The following RGS7 variants were observed in gnomAD, a reference collection of about 807,000 sequenced individuals.
RGS7 encodes regulator of G protein signaling 7, also known as regulator of G-protein signaling 7.
In RGS7, 27 loss-of-function variants were observed where a neutral mutation model predicts 81.1. That is an observed-to-expected ratio of 0.33 (90% CI 0.25 to 0.46). The LOEUF is 0.46. RGS7 is among the 20% of genes least tolerant of loss of function. The pLI, the probability that RGS7 is intolerant of heterozygous loss-of-function variation, is 1.00. For missense variants in RGS7, 396 were observed against 607.4 expected, an observed-to-expected ratio of 0.65 and a Z score of 3.66; for synonymous variants, 208 against 207.7, an observed-to-expected ratio of 1.00 and a Z score of -0.01.
In RGS7 at chr1:240,819,307, TA is replaced by T. The variant is rs542486452; in HGVS notation, c.685-2893del. ...TAACAGTAAGTTTTTAGGCGAAGAT[TA>T]AAAAAATAACATAAAAGACTGCTAG... On this transcript the variant is annotated intron_variant, in intron 10 of 18. Transcript: ENST00000440928. 2.9e-4 allele frequency among the ~76,000 whole-genome samples: 44 copies of T among 152,278 alleles called. No homozygotes were observed. In the South Asian group the frequency reaches 8.3e-3, roughly 29 times the overall value.
intron 9 of RGS7, among the ~76,000 whole-genome samples, chr1:240,867,575 G>A (rs1166922449): frequency 6.6e-6 from 1 of 152,122 alleles, no homozygotes; most frequent in Non-Finnish European, 1.5e-5. Flanking sequence ...ACATTAATAA[G>A]GAAGAAAGCC....
intron 18 of RGS7, among the ~76,000 whole-genome samples, chr1:240,791,856 G>A (rs1447761290): frequency 6.6e-6 from 1 of 152,064 alleles, no homozygotes; most frequent in African/African-American, 2.4e-5. Flanking sequence ...AAAATAATGT[G>A]CAAATATTAC....
intron 2 of RGS7, among the ~76,000 whole-genome samples, chr1:241,320,791 CA>C (rs2081162923): frequency 6.6e-6 from 1 of 152,178 alleles, no homozygotes. Flanking sequence ...AGTGTTGAAG[CA>C]TGCACTTTCT....
intron 2 of RGS7, among the ~76,000 whole-genome samples, chr1:241,138,504 T>C (rs968063321): frequency 3.3e-5 from 5 of 151,500 alleles, no homozygotes; most frequent in Admixed American, 6.6e-5. Context: ...TCAGGGGGAG[T>C]CCACTGCACA....
intron 10 of RGS7, among the ~76,000 whole-genome samples, chr1:240,825,993 C>T (rs1436452286): frequency 6.6e-6 from 1 of 152,142 alleles, no homozygotes; most frequent in Non-Finnish European, 1.5e-5. Context: ...TGGCTTAATG[C>T]ACTTTTTGGA....
rs1688808159 is a variant in RGS7, at chr1:240,806,132, A to G, written c.1269+8T>C. On this transcript the variant is annotated splice_region_variant and intron_variant, in intron 15 of 18. Transcript: ENST00000440928. ...ACGTTTGTGGTGTGAGGCTCACCGTACACCCACCTGAGCATCTTCAAATGT... is the reference window on the plus strand; with the variant it reads ...ACGTTTGTGGTGTGAGGCTCACCGTGCACCCACCTGAGCATCTTCAAATGT... The G allele has an allele frequency of 6.2e-7, 1 of 1,612,400 alleles. No homozygotes were observed. Among genetic ancestry groups the G allele is most frequent in the African/African-American group, 1.3e-5 (1 of 74,994 alleles).
intron 2 of RGS7, among the ~76,000 whole-genome samples, chr1:241,334,055 A>G (rs967428201): frequency 5.3e-5 from 8 of 150,754 alleles, no homozygotes; most frequent in Non-Finnish European, 1.0e-4. Context: ...ATATACATAC[A>G]TATATGTATA....
intron 9 of RGS7, among the ~76,000 whole-genome samples, chr1:240,841,693 T>C (rs951605379): frequency 6.6e-6 from 1 of 152,190 alleles, no homozygotes; most frequent in Non-Finnish European, 1.5e-5. Context: ...GAAGAGAATA[T>C]AAATATTATC....
intron 4 of RGS7, among the ~76,000 whole-genome samples, chr1:240,972,785 C>T (rs187395861): frequency 3.7e-4 from 54 of 147,854 alleles, no homozygotes; most frequent in African/African-American, 1.3e-3. Flanking sequence ...CCTTGAGAGG[C>T]CAAGGCAGGG....
At position 240,951,575 on chromosome 1, in the gene RGS7, G is replaced by T. The variant is rs539819647; in HGVS notation, c.227-14869C>A. The stretch of plus-strand genomic sequence containing the variant: ...CAGTGAGCTTGAAGATTAACCAACA[G>T]AAACCTCAAAAACTGAAATTCGAAG... On this transcript the variant is annotated intron_variant, in intron 4 of 18. Coordinates refer to ENST00000440928, the MANE Select transcript of RGS7 (RefSeq NM_001364886.1). Among the ~76,000 whole-genome samples, 43 of 152,062 alleles carry T rather than the reference G, an allele frequency of 2.8e-4. No individual in the cohort carries two copies. The South Asian group carries it at 8.3e-3, about 29-fold the overall frequency.
At chr1:241,327,069 G>GAAAGAAAGAAAGAGA (rs1346449886) in intron 2 of RGS7, among the ~76,000 whole-genome samples, 1 of 19,950 alleles carries the variant, frequency 5.0e-5, no homozygotes, top group Non-Finnish European at 9.0e-5. Context: ...AAGAAGGAAG[G>GAAAGAAAGAAAGAGA]AAGGAAGGAA....
At chr1:241,252,329 C>A (rs546590116) in intron 2 of RGS7, among the ~76,000 whole-genome samples, 1 of 152,302 alleles carries the variant, frequency 6.6e-6, no homozygotes, top group South Asian at 2.1e-4. Flanking sequence ...CAGGCGTGAG[C>A]CACAGCGCCG....
chr1:241,058,238 G>C (rs1467545180), intron 3 of RGS7, among the ~76,000 whole-genome samples: 2 of 152,204 alleles, frequency 1.3e-5, no homozygotes, highest in Non-Finnish European at 2.9e-5. Context: ...CCAGTAAAGG[G>C]AAGAATGAGT....
chr1:241,125,732 T>C (rs2066613921), intron 2 of RGS7, among the ~76,000 whole-genome samples: 1 of 152,262 alleles, frequency 6.6e-6, no homozygotes, highest in Non-Finnish European at 1.5e-5. Context: ...TAAGGTCCTC[T>C]TCAGGGTGAC....
At chr1:241,292,592 A>G (rs1452290922) in intron 2 of RGS7, among the ~76,000 whole-genome samples, 4 of 152,182 alleles carry the variant, frequency 2.6e-5, no homozygotes, top group Non-Finnish European at 5.9e-5. Flanking sequence ...CATAAATCCA[A>G]CAGAAGAGTA....
intron 3 of RGS7, among the ~76,000 whole-genome samples, chr1:241,092,861 G>GA (rs35614786): frequency 0.31 from 44,228 of 144,364 alleles, 7,985 homozygotes; most frequent in African/African-American, 0.52. Flanking sequence ...ATAAAAGATA[G>GA]AAAAAAAAAA....
At chr1:240,791,765 A>G (rs1466257755) in intron 18 of RGS7, among the ~76,000 whole-genome samples, 1 of 152,234 alleles carries the variant, frequency 6.6e-6, no homozygotes, top group East Asian at 1.9e-4. Context: ...TGGAAATTAA[A>G]TTTGGACACC....
chr1:240,999,676 G>T (rs1687836607), intron 3 of RGS7, among the ~76,000 whole-genome samples: 1 of 152,044 alleles, frequency 6.6e-6, no homozygotes, highest in Admixed American at 6.6e-5. Context: ...TCTTGTCTCA[G>T]TGCAACATCT....
At chr1:240,842,707 C>G (rs1156835439) in intron 9 of RGS7, among the ~76,000 whole-genome samples, 1 of 152,078 alleles carries the variant, frequency 6.6e-6, no homozygotes, top group Admixed American at 6.6e-5. Context: ...TCTGATATAT[C>G]AAGCCAGACC....
Sources: gnomAD v4.1 joint callset for allele counts (sites outside exome capture counted in the v4.1 genomes callset) on GRCh38, gnomAD v4.1.1 for gene constraint, MANE v1.5 for transcripts, NCBI Gene and HGNC (gene_info 2026-07-23, HGNC 2026-07-21) for gene names.